CNTN4: variants seen among roughly 807,000 people sequenced by gnomAD.
CNTN4 encodes contactin 4.
Under a neutral mutation model 122.5 loss-of-function variants are expected in CNTN4, and 77 were observed. That is an observed-to-expected ratio of 0.63 (90% CI 0.52 to 0.76). The LOEUF (loss-of-function observed/expected upper bound fraction) is 0.76, where lower values mean the gene tolerates loss of function less well. CNTN4 is among the 30% of genes least tolerant of loss of function. CNTN4 has a pLI of 0.00. For synonymous variants in CNTN4, 512 were observed against 447.0 expected, an observed-to-expected ratio of 1.15 and a Z score of -1.83; for missense variants, 1,256 against 1,259.1, an observed-to-expected ratio of 1.00 and a Z score of 0.04.
intron 2 of CNTN4, among the ~76,000 whole-genome samples, chr3:2,217,136 C>T (rs2038877035): frequency 1.3e-5 from 2 of 152,170 alleles, no homozygotes; most frequent in African/African-American, 4.8e-5. Context: ...CTCTGAAATT[C>T]AGTCTGCTTC....
intron 3 of CNTN4, among the ~76,000 whole-genome samples, chr3:2,500,894 C>T (rs2076576021): frequency 6.6e-6 from 1 of 152,156 alleles, no homozygotes; most frequent in Non-Finnish European, 1.5e-5. Flanking sequence ...TTCTTCCCTG[C>T]AGAAAGTTCC....
At chr3:2,863,974 A>G (rs1013878939) in intron 7 of CNTN4, among the ~76,000 whole-genome samples, 2 of 152,344 alleles carry the variant, frequency 1.3e-5, no homozygotes, top group African/African-American at 4.8e-5. Context: ...ATCTCTCACT[A>G]AGTTACTTTA....
intron 3 of CNTN4, among the ~76,000 whole-genome samples, chr3:2,480,292 A>C (rs1169232629): frequency 6.6e-6 from 1 of 152,198 alleles, no homozygotes; most frequent in African/African-American, 2.4e-5. Context: ...AAAAAGTAAA[A>C]GTATACAGAT....
chr3:2,791,897 C>T (rs1203103398), intron 6 of CNTN4, among the ~76,000 whole-genome samples: 1 of 152,096 alleles, frequency 6.6e-6, no homozygotes, highest in African/African-American at 2.4e-5. Flanking sequence ...TCTAATCTCC[C>T]TCTGCCTCAC....
At chr3:2,722,132 A>G (rs554866124) in intron 4 of CNTN4, among the ~76,000 whole-genome samples, 19 of 152,332 alleles carry the variant, frequency 1.2e-4, no homozygotes, top group African/African-American at 4.6e-4. Flanking sequence ...GAACAGACTA[A>G]GACGCTATTT....
chr3:2,564,345 G>T (rs921963691), intron 3 of CNTN4, among the ~76,000 whole-genome samples: 5 of 152,044 alleles, frequency 3.3e-5, no homozygotes, highest in Non-Finnish European at 5.9e-5. Flanking sequence ...TTGTGGCTTG[G>T]AGTTAAATTT....
chr3:2,900,852 T>C, intron 11 of CNTN4, 31 bp downstream of exon 11: 1 of 1,613,382 alleles, frequency 6.2e-7, no homozygotes, highest in African/African-American at 1.3e-5. Flanking sequence ...TGTGCCTTAG[T>C]CTTGACTATA....
chr3:2,358,587 A>C (rs2044975418), intron 3 of CNTN4, among the ~76,000 whole-genome samples: 1 of 152,020 alleles, frequency 6.6e-6, no homozygotes, highest in African/African-American at 2.4e-5. Flanking sequence ...AGAACCAATT[A>C]AAAATGATTT....
rs896132893 is a variant in CNTN4, at chr3:2,579,023, A to G, written c.55+7465A>G. Among the ~76,000 whole-genome samples, 6 of 152,220 alleles carry G rather than the reference A, an allele frequency of 3.9e-5. No individual in the cohort carries two copies. The South Asian group carries it at 1.0e-3, about 26-fold the overall frequency. ...TGTTGAGGTAAATAGAGGAACTGGC[A>G]GCGATTTTATATCCCCATAGGCATG... On this transcript the variant is annotated intron_variant, in intron 4 of 24. Transcript: ENST00000418658.
intron 8 of CNTN4, among the ~76,000 whole-genome samples, chr3:2,881,811 A>G (rs1005189610): frequency 2.0e-5 from 3 of 151,766 alleles, no homozygotes; most frequent in Non-Finnish European, 4.4e-5. Flanking sequence ...TCTCTTTGTG[A>G]TTGCACCTGT....
rs79928086 is a variant in CNTN4, at chr3:2,437,960, A to T, written c.-89+98727A>T. Among the ~76,000 whole-genome samples, 537 of 152,232 alleles carry T rather than the reference A, an allele frequency of 3.5e-3. 4 individuals carry two copies. The highest frequency in any genetic ancestry group is 0.013 in the African/African-American group (524 of 41,538). On this transcript the variant is annotated intron_variant, in intron 3 of 24. Coordinates refer to ENST00000418658, the MANE Select transcript of CNTN4 (RefSeq NM_175607.3). ...GTCTTTGATGTCTCAGTATTAATAG[A>T]TCCATTCCCAGCATCAAAATTGGTA...
chr3:3,012,924 T>C (rs1432062687), intron 14 of CNTN4, among the ~76,000 whole-genome samples: 1 of 151,900 alleles, frequency 6.6e-6, no homozygotes, highest in Non-Finnish European at 1.5e-5. Flanking sequence ...GCCGAGACTG[T>C]GCCGTTGCAC....
intron 8 of CNTN4, among the ~76,000 whole-genome samples, chr3:2,873,147 C>A (rs1178615631): frequency 6.6e-6 from 1 of 152,156 alleles, no homozygotes; most frequent in Non-Finnish European, 1.5e-5. Context: ...GTACCAGCAG[C>A]TCTCATAAGA....
At chr3:2,617,019 AACCAAC>A (rs1335209803) in intron 4 of CNTN4, among the ~76,000 whole-genome samples, 1 of 152,152 alleles carries the variant, frequency 6.6e-6, no homozygotes, top group Admixed American at 6.5e-5. Flanking sequence ...TAAGTGTAAA[AACCAAC>A]ACCATCAAAG....
chr3:2,963,478 C>T (rs1241814650), intron 13 of CNTN4, among the ~76,000 whole-genome samples: 2 of 152,186 alleles, frequency 1.3e-5, no homozygotes, highest in Non-Finnish European at 2.9e-5. Flanking sequence ...CCACTCCACT[C>T]ACCCATCCCA....
chr3:2,805,493 C>G (rs1262362034), intron 6 of CNTN4, among the ~76,000 whole-genome samples: 2 of 152,162 alleles, frequency 1.3e-5, no homozygotes, highest in Non-Finnish European at 2.9e-5. Flanking sequence ...ATTAGCTTGG[C>G]TCATATTTTT....
intron 3 of CNTN4, among the ~76,000 whole-genome samples, chr3:2,382,226 G>A (rs59980346): frequency 5.3e-5 from 8 of 149,944 alleles, no homozygotes; most frequent in Non-Finnish European, 1.2e-4. Flanking sequence ...CTGGAGTGCA[G>A]TGGCGCGATC....
At chr3:2,723,515 G>C (rs1307478733) in intron 4 of CNTN4, among the ~76,000 whole-genome samples, 7 of 152,188 alleles carry the variant, frequency 4.6e-5, no homozygotes. Context: ...GTGGCACCCT[G>C]TTATTGCGTC....
intron 4 of CNTN4, among the ~76,000 whole-genome samples, chr3:2,612,615 T>TTAA (rs2081547384): frequency 1.3e-5 from 2 of 152,166 alleles, no homozygotes; most frequent in Non-Finnish European, 2.9e-5. Context: ...ATACTGCTTT[T>TTAA]AGCTGGGTAG....
Sources: allele counts gnomAD v4.1 joint callset (sites outside exome capture counted in the v4.1 genomes callset), GRCh38; gene constraint gnomAD v4.1.1; transcripts MANE v1.5; gene names NCBI Gene and HGNC (gene_info 2026-07-23, HGNC 2026-07-21).